NEK11: variants seen among roughly 807,000 people sequenced by gnomAD.
NEK11 encodes NIMA related kinase 11, also known as serine/threonine-protein kinase Nek11.
NEK11 carries 72 observed loss-of-function variants against 80.7 expected under a neutral mutation model. The ratio of observed to expected loss-of-function variants is 0.89; its 90% CI spans 0.74 to 1.08. The LOEUF (loss-of-function observed/expected upper bound fraction) is 1.08, where lower values mean the gene tolerates loss of function less well. Ranked by LOEUF, NEK11 falls within the 50% of genes least tolerant of loss-of-function variation. The probability of loss-of-function intolerance (pLI) is 0.00; values close to 1 mark genes in which losing one functional copy is unlikely to be tolerated. For synonymous variants in NEK11, 251 were observed against 260.7 expected (o/e 0.96, Z 0.36); for missense variants, 764 against 763.6 (o/e 1.00, Z -0.01).
At chr3:131,226,837 G>A (rs2095214473) in intron 14 of NEK11, among the ~76,000 whole-genome samples, 1 of 152,108 alleles carries the variant, frequency 6.6e-6, no homozygotes, top group Admixed American at 6.6e-5. Flanking sequence ...AGTTCTATAT[G>A]CATGTACATA....
At chr3:131,062,951 T>TTGG (rs1261981048) in intron 3 of NEK11, among the ~76,000 whole-genome samples, 2 of 152,232 alleles carry the variant, frequency 1.3e-5, no homozygotes. Context: ...CAGGGCAGTG[T>TTGG]TGGCCCAGCT....
intron 14 of NEK11, among the ~76,000 whole-genome samples, chr3:131,218,926 T>C (rs1252928458): frequency 9.9e-5 from 15 of 152,144 alleles, no homozygotes. Flanking sequence ...GAAATAGGAA[T>C]GCTTTTACAC....
intron 14 of NEK11, among the ~76,000 whole-genome samples, chr3:131,218,126 T>C (rs1328555365): frequency 6.6e-6 from 1 of 152,240 alleles, no homozygotes; most frequent in African/African-American, 2.4e-5. Context: ...TTATCTCTTA[T>C]CCTTTATATT....
intron 17 of NEK11, among the ~76,000 whole-genome samples, chr3:131,300,172 T>C (rs1303840567): frequency 1.3e-5 from 2 of 152,228 alleles, no homozygotes; most frequent in Non-Finnish European, 2.9e-5. Flanking sequence ...CACATGTGTA[T>C]GTCTTCTTTT....
intron 14 of NEK11, among the ~76,000 whole-genome samples, chr3:131,187,298 G>T (rs935934250): frequency 7.2e-5 from 11 of 152,116 alleles, no homozygotes; most frequent in African/African-American, 2.4e-4. Flanking sequence ...TTGCATCATC[G>T]AAGAAAGTCT....
chr3:131,058,607 T>C (rs1472593318), intron 3 of NEK11, among the ~76,000 whole-genome samples: 1 of 152,180 alleles, frequency 6.6e-6, no homozygotes. Flanking sequence ...ATACAACCCA[T>C]TGACTTATCT....
intron 17 of NEK11, among the ~76,000 whole-genome samples, chr3:131,291,086 T>G (rs986638392): frequency 6.6e-6 from 1 of 152,150 alleles, no homozygotes; most frequent in Non-Finnish European, 1.5e-5. Flanking sequence ...TACTCTGTAC[T>G]CTGCTTAGTC....
chr3:131,298,283 C>T (rs1464117872), intron 17 of NEK11, among the ~76,000 whole-genome samples: 2 of 152,116 alleles, frequency 1.3e-5, no homozygotes, highest in African/African-American at 4.8e-5. Flanking sequence ...GATATTGATT[C>T]TTCCTACCCA....
intron 5 of NEK11, among the ~76,000 whole-genome samples, chr3:131,116,918 C>T (rs1487353404): frequency 4.6e-5 from 7 of 152,148 alleles, no homozygotes; most frequent in African/African-American, 1.4e-4. Flanking sequence ...TTCTCCCATT[C>T]TGTAGGTTGC....
chr3:131,210,091 G>C (rs2094564023), intron 14 of NEK11, among the ~76,000 whole-genome samples: 1 of 152,102 alleles, frequency 6.6e-6, no homozygotes, highest in Non-Finnish European at 1.5e-5. Context: ...GTCAATTTTA[G>C]ATCTTTCCTG....
At chr3:131,263,775 T>C (rs1462049737) in intron 16 of NEK11, among the ~76,000 whole-genome samples, 3 of 152,152 alleles carry the variant, frequency 2.0e-5, no homozygotes, top group Admixed American at 2.0e-4. Flanking sequence ...TTCTAGATCC[T>C]TGAGGAATCA....
At chr3:131,150,527 G>A (rs1203608539) in intron 7 of NEK11, among the ~76,000 whole-genome samples, 2 of 151,810 alleles carry the variant, frequency 1.3e-5, no homozygotes, top group African/African-American at 2.4e-5. Flanking sequence ...AATCTTAGTA[G>A]TGTTTCTTGC....
intron 17 of NEK11, among the ~76,000 whole-genome samples, chr3:131,340,564 G>A (rs774125340): frequency 2.0e-5 from 3 of 152,162 alleles, no homozygotes; most frequent in Non-Finnish European, 2.9e-5. Context: ...TGGAGGAAAT[G>A]GGCAGGGGAG....
rs1454910289 is a variant in NEK11, at chr3:131,123,820, TA to T, written c.456-8924del. ...TGTCTCTTTGACTTCCTAGAATCAA[TA>T]GCTATAGAAACCAAGTGATCAACTT... On this transcript the variant is annotated intron_variant, in intron 5 of 17. Transcript: ENST00000383366. Among the ~76,000 whole-genome samples, 13 of 152,204 alleles carry T rather than the reference TA, an allele frequency of 8.5e-5. No homozygotes were observed. The East Asian group carries it at 2.5e-3, about 29-fold the overall frequency.
chr3:131,165,536 T>C lies in NEK11; in HGVS notation c.1176+17T>C. On this transcript the variant is annotated intron_variant, in intron 12 of 17. Coordinates refer to ENST00000383366, the MANE Select transcript of NEK11 (RefSeq NM_024800.5). The stretch of plus-strand genomic sequence containing the variant: ...GTACTCCATGTAAGTACCCTCTTAT[T>C]TTAAATTTTACATAAAAATTTTTCT... 6.5e-7 allele frequency: 1 copy of C among 1,530,276 alleles called. No homozygotes were observed. Among genetic ancestry groups the C allele is most frequent in the Middle Eastern group, 1.7e-4 (1 of 5,816 alleles). The allele number at this position is 1,530,276 out of a possible 1,614,324, so 94.8% of individuals were successfully genotyped here.
At chr3:131,031,826 C>T (rs2064897923) in intron 3 of NEK11, among the ~76,000 whole-genome samples, 1 of 152,064 alleles carries the variant, frequency 6.6e-6, no homozygotes, top group Admixed American at 6.5e-5. Flanking sequence ...TCATTTGGCA[C>T]CAGAAGGTCT....
chr3:131,270,451 A>G (rs2096160158), intron 16 of NEK11, among the ~76,000 whole-genome samples: 1 of 152,216 alleles, frequency 6.6e-6, no homozygotes. Context: ...ATGACATTAA[A>G]GTTTGAGAAG....
At chr3:131,241,916 T>C (rs1447687529) in intron 15 of NEK11, among the ~76,000 whole-genome samples, 7 of 152,152 alleles carry the variant, frequency 4.6e-5, no homozygotes, top group Non-Finnish European at 1.5e-5. Context: ...ATTTTCTATA[T>C]TTTCCAGATT....
intron 5 of NEK11, among the ~76,000 whole-genome samples, chr3:131,115,908 TTCTTTC>T (rs1402043787): frequency 9.0e-4 from 42 of 46,864 alleles, no homozygotes; most frequent in African/African-American, 3.6e-3. Flanking sequence ...AGTGTTTTCT[TTCTTTC>T]TTTCTTTCTT....
Sources: allele counts gnomAD v4.1 joint callset (sites outside exome capture counted in the v4.1 genomes callset), GRCh38; gene constraint gnomAD v4.1.1; transcripts MANE v1.5; gene names NCBI Gene and HGNC (gene_info 2026-07-23, HGNC 2026-07-21).